Variants in DENND1A observed in about 807,000 individuals in gnomAD.
DENND1A encodes the protein DENN domain containing 1A, also known as DENN domain-containing protein 1A.
In DENND1A, 51 loss-of-function variants were observed where a neutral mutation model predicts 113.7. The ratio of observed to expected loss-of-function variants is 0.45; its 90% CI spans 0.36 to 0.57. The LOEUF (loss-of-function observed/expected upper bound fraction) is 0.57, where lower values mean the gene tolerates loss of function less well. Among genes scored for constraint, DENND1A ranks in the 20% least tolerant of loss-of-function variants. The pLI, the probability that DENND1A is intolerant of heterozygous loss-of-function variation, is 0.00. For missense variants in DENND1A, 1,258 were observed against 1,395.9 expected (o/e 0.90, Z 1.57); for synonymous variants, 565 against 570.8 (o/e 0.99, Z 0.14).
At chr9:123,848,246 A>C (rs1028237367) in intron 2 of DENND1A, among the ~76,000 whole-genome samples, 3 of 151,070 alleles carry the variant, frequency 2.0e-5, no homozygotes, top group Admixed American at 6.6e-5. Context: ...AAAAAAAAAA[A>C]AAAAAAAAAA....
At chr9:123,699,448 G>T (rs1003902629) in intron 5 of DENND1A, among the ~76,000 whole-genome samples, 1 of 151,892 alleles carries the variant, frequency 6.6e-6, no homozygotes, top group Non-Finnish European at 1.5e-5. Context: ...TCTATCTTTG[G>T]ATGATGAAAT....
intron 13 of DENND1A, among the ~76,000 whole-genome samples, chr9:123,516,041 T>A (rs202134441): frequency 6.6e-6 from 1 of 151,770 alleles, no homozygotes; most frequent in East Asian, 1.9e-4. Context: ...GCCACTGCAC[T>A]CCAGCCTGGC....
chr9:123,918,130 T>G (rs1440704937), intron 1 of DENND1A, among the ~76,000 whole-genome samples: 12 of 146,580 alleles, frequency 8.2e-5, no homozygotes, highest in African/African-American at 3.0e-4. Flanking sequence ...AATAAATAAA[T>G]AAATAAATAA....
intron 4 of DENND1A, among the ~76,000 whole-genome samples, chr9:123,765,124 A>G (rs1413025808): frequency 1.3e-5 from 2 of 152,166 alleles, no homozygotes; most frequent in Non-Finnish European, 2.9e-5. Flanking sequence ...CTACTTCTCT[A>G]CAATAAATAT....
chr9:123,499,182 C>T (rs776681847), intron 13 of DENND1A, among the ~76,000 whole-genome samples: 29 of 152,084 alleles, frequency 1.9e-4, no homozygotes, highest in Non-Finnish European at 3.1e-4. Flanking sequence ...TACAGGCACA[C>T]GCCACCACGC....
intron 10 of DENND1A, among the ~76,000 whole-genome samples, chr9:123,614,591 TA>T (rs879563400): frequency 2.6e-3 from 363 of 142,090 alleles, no homozygotes; most frequent in East Asian, 4.2e-3. Context: ...ACTGGCTGCT[TA>T]AAAAAAAAAA....
At chr9:123,441,637 A>G (rs1052224677) in intron 18 of DENND1A, among the ~76,000 whole-genome samples, 7 of 152,200 alleles carry the variant, frequency 4.6e-5, no homozygotes, top group African/African-American at 1.7e-4. Context: ...CACTCATGCA[A>G]TAAGGGTCCC....
chr9:123,512,696 TAA>T (rs547493832), intron 13 of DENND1A, among the ~76,000 whole-genome samples: 22 of 152,328 alleles, frequency 1.4e-4, no homozygotes, highest in African/African-American at 4.3e-4. Flanking sequence ...GGCATGTGCA[TAA>T]GTTTGGCTGG....
At chr9:123,573,991 A>T (rs114061699) in intron 12 of DENND1A, among the ~76,000 whole-genome samples, 3 of 151,384 alleles carry the variant, frequency 2.0e-5, no homozygotes, top group African/African-American at 7.3e-5. Context: ...TTTTTTTCAT[A>T]TATCTTGTTA....
At chr9:123,719,459 A>G (rs190697007) in intron 5 of DENND1A, among the ~76,000 whole-genome samples, 98 of 152,300 alleles carry the variant, frequency 6.4e-4, no homozygotes, top group African/African-American at 2.3e-3. Context: ...TATCACACAC[A>G]GAGCTGGCAC....
intron 8 of DENND1A, among the ~76,000 whole-genome samples, chr9:123,652,488 A>G (rs74772103): frequency 3.4e-3 from 513 of 152,350 alleles, no homozygotes; most frequent in Middle Eastern, 6.8e-3. Flanking sequence ...CTAATAAGCA[A>G]TGAAGACAGG....
chr9:123,556,820 C>T (rs921921284), intron 13 of DENND1A, among the ~76,000 whole-genome samples: 25 of 152,198 alleles, frequency 1.6e-4, no homozygotes, highest in African/African-American at 4.1e-4. Flanking sequence ...AAGAGTAGGC[C>T]GAGGAGAGAA....
At chr9:123,473,211 T>C (rs981453431) in intron 13 of DENND1A, among the ~76,000 whole-genome samples, 10 of 152,062 alleles carry the variant, frequency 6.6e-5, no homozygotes, top group Non-Finnish European at 1.2e-4. Context: ...AACAGGAACA[T>C]TTCTGAAGAA....
Position 123,851,714 on chromosome 9 carries a change from C to G in DENND1A, c.88+27237G>C, listed in dbSNP as rs75998424. On this transcript the variant is annotated intron_variant, in intron 2 of 23. Transcript: ENST00000394215. ...TGAATATTATGTCAAGGAGTAAACT[C>G]CAGCAGATTCACAGGACAACAAAGG... is the stretch of plus-strand genomic sequence containing the variant. Among the ~76,000 whole-genome samples the G allele has an allele frequency of 1.1e-4, 16 of 152,252 alleles. No homozygotes were observed. In the East Asian group the frequency reaches 2.3e-3, roughly 22 times the overall value.
chr9:123,738,443 C>CTGTGTGTG (rs59851560), intron 5 of DENND1A, among the ~76,000 whole-genome samples: 1,891 of 143,398 alleles, frequency 0.013, 20 homozygotes, highest in African/African-American at 0.031. Flanking sequence ...TCAACAGCTT[C>CTGTGTGTG]TGTGTGTGTG....
chr9:123,848,500 A>G (rs79964188), intron 2 of DENND1A, among the ~76,000 whole-genome samples: 8,723 of 152,224 alleles, frequency 0.057, 341 homozygotes, highest in Non-Finnish European at 0.081. Context: ...TCCACCAACC[A>G]GCCATTCTCC....
chr9:123,821,668 C>CT lies in DENND1A; in HGVS notation c.89-29039dup, dbSNP rs151282665. Among the ~76,000 whole-genome samples the CT allele has an allele frequency of 4.8e-4, 73 of 152,318 alleles. 1 individual carries two copies. The highest frequency in any genetic ancestry group is 1.7e-3 in the African/African-American group (72 of 41,592). ...CCAGAATAATGTTACTCCATCAACT[C>CT]TAACAGTTTCAAACAGACCACTTAA... is the stretch of plus-strand genomic sequence containing the variant. On this transcript the variant is annotated intron_variant, in intron 2 of 23. Transcript: ENST00000394215.
At chr9:123,678,085 C>T (rs77514184) in intron 5 of DENND1A, among the ~76,000 whole-genome samples, 2 of 152,164 alleles carry the variant, frequency 1.3e-5, no homozygotes, top group African/African-American at 2.4e-5. Context: ...CCCTAATTCT[C>T]TCTTTTCTGT....
Position 123,583,174 on chromosome 9 carries a change from C to A in DENND1A, c.862G>T (p.Asp288Tyr). ...PFDDLQSLPN[D>Y]VISSLKNRLK... Reference sequence around the variant, plus strand: ...CTCGCAAGCTCATTACCTACCACGTCGTTTGGGAGGCTCTGGAGGTCATCG... The same window carrying A: ...CTCGCAAGCTCATTACCTACCACGTAGTTTGGGAGGCTCTGGAGGTCATCG... The change falls in exon 12 of 24, where the codon GAC becomes TAC. Residue 288 changes from aspartate (D) to tyrosine (Y), a missense_variant. This residue lies in a region of DENND1A where 1,159 missense variants were observed against 1,231.7 expected (regional missense o/e 0.94). Coordinates refer to ENST00000394215, the MANE Select transcript of DENND1A (RefSeq NM_001352964.2). The A allele has an allele frequency of 2.5e-6, 4 of 1,608,368 alleles. No individual in the cohort carries two copies. Among genetic ancestry groups the A allele is most frequent in the Non-Finnish European group, 3.4e-6 (4 of 1,176,644 alleles).
Sources: gnomAD v4.1 joint callset for allele counts (sites outside exome capture counted in the v4.1 genomes callset) on GRCh38, gnomAD v4.1.1 for gene constraint, gnomAD v4.1.1 regional missense constraint, MANE v1.5 for transcripts, NCBI Gene and HGNC (gene_info 2026-07-23, HGNC 2026-07-21) for gene names.